The following FRAS1 variants were observed in gnomAD, a reference collection of about 807,000 sequenced individuals.
FRAS1 encodes the protein Fraser extracellular matrix complex subunit 1.
A neutral mutation model predicts 435.2 loss-of-function variants in FRAS1; 290 were observed. The ratio of observed to expected loss-of-function variants is 0.67; its 90% CI spans 0.61 to 0.73. The LOEUF (loss-of-function observed/expected upper bound fraction) is 0.73. Ranked by LOEUF, FRAS1 falls within the 30% of genes least tolerant of loss-of-function variation. The probability of loss-of-function intolerance (pLI) is 0.00; values close to 1 mark genes in which losing one functional copy is unlikely to be tolerated. For missense variants in FRAS1, 4,860 were observed against 5,001.5 expected (o/e 0.97, Z 0.85); for synonymous variants, 1,800 against 1,851.0 (o/e 0.97, Z 0.71).
At chr4:78,477,716 C>T in intron 54 of FRAS1, 99 bp from the exon 55 acceptor site, 3 of 1,437,140 alleles carry the variant, frequency 2.1e-6, no homozygotes, top group Non-Finnish European at 1.9e-6. Context: ...CAGTGCTCTG[C>T]CCACTGGACT....
chr4:78,500,165 T>G (rs910614008), intron 61 of FRAS1, among the ~76,000 whole-genome samples: 1 of 152,164 alleles, frequency 6.6e-6, no homozygotes, highest in African/African-American at 2.4e-5. Flanking sequence ...TTAAAAGAAT[T>G]TTTTGTTAGC....
At chr4:78,383,967 A>T in intron 27 of FRAS1, 92 bp from the exon 28 acceptor site, 1 of 918,476 alleles carries the variant, frequency 1.1e-6, no homozygotes, top group Non-Finnish European at 1.7e-6. Flanking sequence ...ATTCTTACCT[A>T]CACATAACCT....
chr4:78,208,070 T>C (rs1578185695), intron 2 of FRAS1, among the ~76,000 whole-genome samples: 1 of 152,296 alleles, frequency 6.6e-6, no homozygotes, highest in South Asian at 2.1e-4. Context: ...CCGCAAATAC[T>C]GTGCTGGTAT....
intron 2 of FRAS1, among the ~76,000 whole-genome samples, chr4:78,149,532 A>G (rs1191207815): frequency 6.6e-6 from 1 of 152,122 alleles, no homozygotes; most frequent in Admixed American, 6.5e-5. Flanking sequence ...ACACATCCAT[A>G]TATGTATACA....
At chr4:78,095,191 T>C (rs1741735192) in intron 2 of FRAS1, among the ~76,000 whole-genome samples, 2 of 152,210 alleles carry the variant, frequency 1.3e-5, no homozygotes, top group Non-Finnish European at 2.9e-5. Context: ...AGGGAAGAAA[T>C]TCTATGCTCA....
intron 71 of FRAS1, among the ~76,000 whole-genome samples, chr4:78,536,191 ATTTTTTTT>A (rs11355997): frequency 9.6e-6 from 1 of 103,988 alleles, no homozygotes; most frequent in African/African-American, 3.8e-5. Context: ...TTGTACATGG[ATTTTTTTT>A]TTTTTTTTTT....
intron 2 of FRAS1, among the ~76,000 whole-genome samples, chr4:78,162,882 A>C (rs1288982095): frequency 6.6e-6 from 1 of 152,192 alleles, no homozygotes; most frequent in Non-Finnish European, 1.5e-5. Flanking sequence ...GGAAAACAAT[A>C]AGGTGGAATT....
intron 2 of FRAS1, among the ~76,000 whole-genome samples, chr4:78,193,803 A>G (rs1190814728): frequency 6.6e-6 from 1 of 152,094 alleles, no homozygotes; most frequent in East Asian, 1.9e-4. Flanking sequence ...TGTGAATTTG[A>G]TCCTGTCATT....
rs1329931374 is a variant in FRAS1, at chr4:78,464,476, G to A, written c.6922G>A (p.Val2308Ile). 3.1e-6 allele frequency: 5 copies of A among 1,614,010 alleles called. No homozygotes were observed. The highest frequency in any genetic ancestry group is 2.7e-5 in the African/African-American group (2 of 75,050). Residue 2308 changes from valine to isoleucine, a missense_variant, in exon 49 of 74, where the codon GTC (valine) becomes ATC (isoleucine). By Grantham distance (29) the Val-to-Ile change is conservative. Coordinates refer to ENST00000512123, the MANE Select transcript of FRAS1 (RefSeq NM_025074.7). ...TQTFHITLHP[V>I]DDSLPVVQNL... The stretch of plus-strand genomic sequence containing the variant: ...GACTTTCCATATCACTCTTCACCCT[G>A]TCGATGATTCGCTGCCCGTCGTACA...
chr4:78,531,980 C>A (rs1219076027), intron 70 of FRAS1, among the ~76,000 whole-genome samples: 1 of 152,214 alleles, frequency 6.6e-6, no homozygotes, highest in Non-Finnish European at 1.5e-5. Context: ...AAGCCCTGGT[C>A]AGAACCATTA....
At chr4:78,259,765 G>C (rs979085065) in intron 6 of FRAS1, among the ~76,000 whole-genome samples, 17 of 147,610 alleles carry the variant, frequency 1.2e-4, no homozygotes, top group East Asian at 8.2e-4. Context: ...TAGTGTTTTA[G>C]ACATGAAGTC....
intron 63 of FRAS1, among the ~76,000 whole-genome samples, chr4:78,510,799 G>A (rs1044804072): frequency 1.3e-5 from 2 of 152,148 alleles, no homozygotes; most frequent in Admixed American, 1.3e-4. Flanking sequence ...TGGTCACTGG[G>A]TAGGGAGATG....
intron 35 of FRAS1, 59 bp from the exon 36 acceptor site, chr4:78,429,036 G>A (rs1276072820): frequency 2.0e-6 from 3 of 1,477,082 alleles, no homozygotes; most frequent in Non-Finnish European, 2.7e-6. Flanking sequence ...GTGTGTGTGT[G>A]TGCGTGTCTC....
chr4:78,492,169 T>A (rs1459051731), intron 59 of FRAS1, among the ~76,000 whole-genome samples: 1 of 152,150 alleles, frequency 6.6e-6, no homozygotes, highest in African/African-American at 2.4e-5. Context: ...TGGAAAAATA[T>A]TCCATGCTCA....
At chr4:78,093,107 A>G (rs1231822774) in intron 2 of FRAS1, among the ~76,000 whole-genome samples, 1 of 152,202 alleles carries the variant, frequency 6.6e-6, no homozygotes, top group Non-Finnish European at 1.5e-5. Flanking sequence ...CCACAGGAAA[A>G]TTCTGAACCC....
intron 2 of FRAS1, among the ~76,000 whole-genome samples, chr4:78,105,651 G>A (rs1258500781): frequency 1.3e-5 from 2 of 152,094 alleles, no homozygotes; most frequent in Non-Finnish European, 2.9e-5. Flanking sequence ...CATCACAGGG[G>A]AAATGTACAA....
At chr4:78,216,565 A>G (rs774885973) in intron 2 of FRAS1, among the ~76,000 whole-genome samples, 45 of 152,344 alleles carry the variant, frequency 3.0e-4, no homozygotes, top group Middle Eastern at 3.4e-3. Flanking sequence ...GCAGAGGGGA[A>G]CAGGTCATAG....
intron 2 of FRAS1, among the ~76,000 whole-genome samples, chr4:78,100,430 G>A (rs770948828): frequency 6.6e-6 from 1 of 152,210 alleles, no homozygotes; most frequent in African/African-American, 2.4e-5. Context: ...TCTGAGGGCT[G>A]TGTCCTCACT....
At chr4:78,519,233 C>T (rs1721309951) in intron 66 of FRAS1, 98 bp from the exon 67 acceptor site, 1 of 1,035,204 alleles carries the variant, frequency 9.7e-7, no homozygotes, top group Non-Finnish European at 1.4e-6. Context: ...AAGTGTGTGA[C>T]TACATGGGTG....
Sources: allele counts gnomAD v4.1 joint callset (sites outside exome capture counted in the v4.1 genomes callset), GRCh38; gene constraint gnomAD v4.1.1; transcripts MANE v1.5; gene names NCBI Gene and HGNC (gene_info 2026-07-23, HGNC 2026-07-21).